Variants in FRMD4B observed in about 807,000 individuals in gnomAD.
FRMD4B encodes FERM domain-containing protein 4B.
FRMD4B carries 74 observed loss-of-function variants against 141.5 expected under a neutral mutation model. That is an observed-to-expected ratio of 0.52 (90% CI 0.43 to 0.63). The LOEUF (loss-of-function observed/expected upper bound fraction) is 0.63. Ranked by LOEUF, FRMD4B falls within the 30% of genes least tolerant of loss-of-function variation. The pLI is 0.00. For missense variants in FRMD4B, 1,366 were observed against 1,253.4 expected (o/e 1.09, Z -1.36); for synonymous variants, 506 against 467.9 (o/e 1.08, Z -1.05).
At position 69,340,266 on chromosome 3, in the gene FRMD4B, T is replaced by A. The variant is rs78097532; in HGVS notation, c.163-26749A>T. 7.4e-3 allele frequency among the ~76,000 whole-genome samples: 1,124 copies of A among 152,216 alleles called. 18 individuals carry two copies. The highest frequency in any genetic ancestry group is 0.025 in the African/African-American group (1,024 of 41,542). On this transcript the variant is annotated intron_variant, in intron 1 of 22. Coordinates refer to ENST00000398540, the MANE Select transcript of FRMD4B (RefSeq NM_015123.3). Reference sequence around the variant, plus strand: ...TGTACAGATGATTTTGTCACACAGGTGCTAAGCATAGTACAGTACCTGATG... The same window carrying A: ...TGTACAGATGATTTTGTCACACAGGAGCTAAGCATAGTACAGTACCTGATG...
intron 1 of FRMD4B, among the ~76,000 whole-genome samples, chr3:69,503,715 T>C (rs1362364076): frequency 1.3e-5 from 2 of 152,116 alleles, no homozygotes; most frequent in African/African-American, 2.4e-5. Flanking sequence ...ACTTTGAATA[T>C]GCTTCTCCAT....
intron 16 of FRMD4B, among the ~76,000 whole-genome samples, chr3:69,194,748 G>T (rs1475019136): frequency 1.3e-5 from 2 of 152,304 alleles, no homozygotes; most frequent in East Asian, 3.9e-4. Context: ...CAAACCTAAT[G>T]CTGGAGTTCT....
At chr3:69,480,206 T>C (rs200990747) in intron 1 of FRMD4B, among the ~76,000 whole-genome samples, 5 of 151,104 alleles carry the variant, frequency 3.3e-5, no homozygotes, top group African/African-American at 7.3e-5. Context: ...TTCTCTCAAC[T>C]TGTCAAAGTC....
At chr3:69,467,781 A>C (rs1705818306) in intron 1 of FRMD4B, among the ~76,000 whole-genome samples, 2 of 152,196 alleles carry the variant, frequency 1.3e-5, no homozygotes, top group African/African-American at 4.8e-5. Context: ...TGACTCGTTT[A>C]GGTACGGGTA....
At chr3:69,409,556 G>GA (rs2106775811) in intron 2 of FRMD4B, among the ~76,000 whole-genome samples, 1 of 152,252 alleles carries the variant, frequency 6.6e-6, no homozygotes, top group Admixed American at 6.5e-5. Flanking sequence ...TTCTAGCTGA[G>GA]AAAAATCTCG....
chr3:69,262,977 G>T (rs1251175418), intron 5 of FRMD4B, among the ~76,000 whole-genome samples: 1 of 152,052 alleles, frequency 6.6e-6, no homozygotes, highest in African/African-American at 2.4e-5. Flanking sequence ...AGCAATTGTA[G>T]GCTGGGCACG....
At chr3:69,360,061 C>T (rs1482061775) in intron 1 of FRMD4B, among the ~76,000 whole-genome samples, 1 of 152,132 alleles carries the variant, frequency 6.6e-6, no homozygotes, top group Non-Finnish European at 1.5e-5. Context: ...GTTAGATTTC[C>T]TTCCTGTCTT....
chr3:69,399,430 C>T (rs1704523840), intron 2 of FRMD4B, among the ~76,000 whole-genome samples: 1 of 152,198 alleles, frequency 6.6e-6, no homozygotes, highest in Non-Finnish European at 1.5e-5. Context: ...CCCAACATCT[C>T]TATATTCATT....
intron 2 of FRMD4B, among the ~76,000 whole-genome samples, chr3:69,403,238 T>G (rs1411422284): frequency 6.6e-6 from 1 of 152,212 alleles, no homozygotes; most frequent in East Asian, 1.9e-4. Flanking sequence ...CATTCCTTCC[T>G]GATATTCCTT....
intron 1 of FRMD4B, among the ~76,000 whole-genome samples, chr3:69,363,952 C>A (rs919870438): frequency 6.6e-6 from 1 of 152,184 alleles, no homozygotes. Context: ...AGGTGCCACA[C>A]AAACACTATC....
intron 11 of FRMD4B, among the ~76,000 whole-genome samples, chr3:69,206,010 C>T (rs897193587): frequency 8.5e-5 from 13 of 152,080 alleles, no homozygotes; most frequent in African/African-American, 2.7e-4. Context: ...AAATGGTATA[C>T]GCTGTGGTAG....
chr3:69,514,521 C>G (rs1439860707), intron 1 of FRMD4B, among the ~76,000 whole-genome samples: 1 of 151,944 alleles, frequency 6.6e-6, no homozygotes, highest in Non-Finnish European at 1.5e-5. Context: ...GAAAGCCTCT[C>G]TACTAAAAAT....
intron 1 of FRMD4B, among the ~76,000 whole-genome samples, chr3:69,335,372 AT>A (rs35424718): frequency 0.36 from 48,492 of 133,412 alleles, 9,201 homozygotes; most frequent in Admixed American, 0.46. Flanking sequence ...TCATTATTGC[AT>A]TTTTTTTTTT....
At chr3:69,468,921 C>T (rs1705838794) in intron 1 of FRMD4B, among the ~76,000 whole-genome samples, 1 of 152,186 alleles carries the variant, frequency 6.6e-6, no homozygotes, top group Non-Finnish European at 1.5e-5. Flanking sequence ...GCCATCAATA[C>T]AGACCTATGG....
chr3:69,408,733 C>G (rs186759492), intron 2 of FRMD4B, among the ~76,000 whole-genome samples: 1 of 152,034 alleles, frequency 6.6e-6, no homozygotes, highest in Admixed American at 6.6e-5. Flanking sequence ...GAGATAGTTG[C>G]GTGGAGTCCT....
chr3:69,197,449 A>G (rs778960526), intron 12 of FRMD4B, among the ~76,000 whole-genome samples: 2 of 152,164 alleles, frequency 1.3e-5, no homozygotes, highest in Non-Finnish European at 2.9e-5. Context: ...TTTCAGATCT[A>G]GGTAGATTTG....
At chr3:69,415,067 T>G (rs1279861562) in intron 2 of FRMD4B, among the ~76,000 whole-genome samples, 6 of 151,678 alleles carry the variant, frequency 4.0e-5, no homozygotes, top group African/African-American at 1.5e-4. Flanking sequence ...GGTTTCACTA[T>G]GTTGGTCAGG....
At chr3:69,265,448 C>CTTTTT (rs560029423) in intron 5 of FRMD4B, among the ~76,000 whole-genome samples, 2 of 93,596 alleles carry the variant, frequency 2.1e-5, no homozygotes, top group South Asian at 4.0e-4. Flanking sequence ...TTTATTTGTC[C>CTTTTT]TTTTTTTTTT....
At chr3:69,333,700 TACCCA>T (rs1702452357) in intron 1 of FRMD4B, among the ~76,000 whole-genome samples, 1 of 152,220 alleles carries the variant, frequency 6.6e-6, no homozygotes, top group East Asian at 1.9e-4. Context: ...CATAATAAAA[TACCCA>T]ATTTCCATCA....
Sources: gnomAD v4.1 joint callset for allele counts (sites outside exome capture counted in the v4.1 genomes callset) on GRCh38, gnomAD v4.1.1 for gene constraint, MANE v1.5 for transcripts, NCBI Gene and HGNC (gene_info 2026-07-23, HGNC 2026-07-21) for gene names.